The following HS6ST3 variants were observed in gnomAD, a reference collection of about 807,000 sequenced individuals.
HS6ST3 encodes the protein heparan sulfate 6-O-sulfotransferase 3.
A neutral mutation model predicts 36.7 loss-of-function variants in HS6ST3; 12 were observed. The observed-to-expected ratio is 0.33, with a 90% CI of 0.21 to 0.53. The LOEUF (loss-of-function observed/expected upper bound fraction) is 0.53. Among genes scored for constraint, HS6ST3 ranks in the 20% least tolerant of loss-of-function variants. The probability of loss-of-function intolerance (pLI) is 0.95; values close to 1 mark genes in which losing one functional copy is unlikely to be tolerated. For missense variants in HS6ST3, 584 were observed against 640.9 expected (o/e 0.91, Z 0.96); for synonymous variants, 240 against 257.5 (o/e 0.93, Z 0.65).
At chr13:96,717,031 G>T (rs1875715198) in intron 1 of HS6ST3, among the ~76,000 whole-genome samples, 1 of 152,174 alleles carries the variant, frequency 6.6e-6, no homozygotes, top group Admixed American at 6.5e-5. Context: ...GAAATGTGGA[G>T]CTCAGAGGGG....
At chr13:96,286,223 AGTT>A (rs1191742598) in intron 1 of HS6ST3, among the ~76,000 whole-genome samples, 3 of 152,074 alleles carry the variant, frequency 2.0e-5, no homozygotes, top group Non-Finnish European at 2.9e-5. Context: ...TAGCTTAGGC[AGTT>A]CGTTCTCCCC....
chr13:96,167,859 T>C (rs996142200), intron 1 of HS6ST3, among the ~76,000 whole-genome samples: 6 of 152,222 alleles, frequency 3.9e-5, no homozygotes, highest in African/African-American at 1.2e-4. Context: ...ATCTCTGATA[T>C]ATAAATAAAC....
chr13:96,255,913 GTA>G (rs2139380338), intron 1 of HS6ST3, among the ~76,000 whole-genome samples: 1 of 152,280 alleles, frequency 6.6e-6, no homozygotes, highest in African/African-American at 2.4e-5. Flanking sequence ...TGTCATTTAT[GTA>G]TGTCATTAAA....
Position 96,741,929 on chromosome 13 carries a change from C to T in HS6ST3, c.708-90561C>T, listed in dbSNP as rs1417649185. On this transcript the variant is annotated intron_variant, in intron 1 of 1. Coordinates refer to ENST00000376705, the MANE Select transcript of HS6ST3 (RefSeq NM_153456.4). ...GACCACACTGCTCCATCCCCTCTTCCCATTCATGCTACTCTGACTGCCTTC... is the reference window on the plus strand; with the variant it reads ...GACCACACTGCTCCATCCCCTCTTCTCATTCATGCTACTCTGACTGCCTTC... Among the ~76,000 whole-genome samples the T allele has an allele frequency of 2.0e-5, 3 of 152,234 alleles. No individual in the cohort carries two copies. In the East Asian group the frequency reaches 5.8e-4, roughly 29 times the overall value.
rs573079270 is a variant in HS6ST3 at position 96,438,438 on chromosome 13, G to A, written c.707+346869G>A. The stretch of plus-strand genomic sequence containing the variant: ...TGACTTATTCAAGATCACACACAAG[G>A]TTAGGGTTGGAACCAGAAGCCATAT... On this transcript the variant is annotated intron_variant, in intron 1 of 1. Transcript: ENST00000376705. Among the ~76,000 whole-genome samples the A allele has an allele frequency of 1.4e-4, 21 of 152,310 alleles. No homozygotes were observed. The South Asian group carries it at 3.1e-3, about 23-fold the overall frequency.
chr13:96,640,494 A>AT (rs575893135), intron 1 of HS6ST3, among the ~76,000 whole-genome samples: 4 of 151,764 alleles, frequency 2.6e-5, no homozygotes, highest in African/African-American at 7.2e-5. Context: ...GCTTGTGAAT[A>AT]TTTTTTTCCC....
chr13:96,261,911 A>G (rs755627011), intron 1 of HS6ST3, among the ~76,000 whole-genome samples: 2 of 152,220 alleles, frequency 1.3e-5, no homozygotes, highest in Non-Finnish European at 2.9e-5. Flanking sequence ...CTACAAGAAC[A>G]CAGGTAACCT....
intron 1 of HS6ST3, among the ~76,000 whole-genome samples, chr13:96,625,380 C>A (rs1036475760): frequency 5.3e-5 from 8 of 152,082 alleles, no homozygotes; most frequent in African/African-American, 1.9e-4. Context: ...GAGTATGTAT[C>A]GAGCAATAGA....
intron 1 of HS6ST3, among the ~76,000 whole-genome samples, chr13:96,714,663 G>T (rs1875646901): frequency 6.6e-6 from 1 of 152,114 alleles, no homozygotes; most frequent in Admixed American, 6.6e-5. Context: ...AACAATGCTT[G>T]CATATGTATA....
At chr13:96,105,411 G>A (rs532278925) in intron 1 of HS6ST3, among the ~76,000 whole-genome samples, 16 of 152,314 alleles carry the variant, frequency 1.1e-4, no homozygotes, top group African/African-American at 3.9e-4. Flanking sequence ...GGCACTTTGG[G>A]AGGCTGAGGC....
chr13:96,689,515 T>C (rs566245618), intron 1 of HS6ST3, among the ~76,000 whole-genome samples: 9 of 151,836 alleles, frequency 5.9e-5, no homozygotes, highest in Non-Finnish European at 1.0e-4. Context: ...TCATGGCTTA[T>C]GCTTAATAAG....
chr13:96,170,328 G>A (rs75374972), intron 1 of HS6ST3, among the ~76,000 whole-genome samples: 2,406 of 152,294 alleles, frequency 0.016, 63 homozygotes, highest in African/African-American at 0.056. Flanking sequence ...TTAAGGTGAC[G>A]CAGTTAATAA....
intron 1 of HS6ST3, among the ~76,000 whole-genome samples, chr13:96,777,000 A>C (rs1877402923): frequency 6.6e-6 from 1 of 152,242 alleles, no homozygotes; most frequent in African/African-American, 2.4e-5. Context: ...ACCACGATTA[A>C]GTTGGCTTCA....
intron 1 of HS6ST3, among the ~76,000 whole-genome samples, chr13:96,394,296 A>ATTT (rs147050572): frequency 6.8e-6 from 1 of 147,286 alleles, no homozygotes; most frequent in African/African-American, 2.5e-5. Flanking sequence ...AGCTTCCCCC[A>ATTT]TTTTTGTATC....
At chr13:96,140,246 C>A (rs1156591834) in intron 1 of HS6ST3, among the ~76,000 whole-genome samples, 1 of 152,146 alleles carries the variant, frequency 6.6e-6, no homozygotes, top group East Asian at 1.9e-4. Context: ...ATCATAACTG[C>A]ATGAAATTAA....
intron 1 of HS6ST3, among the ~76,000 whole-genome samples, chr13:96,624,372 A>AT (rs1014087102): frequency 5.4e-5 from 8 of 148,754 alleles, no homozygotes; most frequent in Admixed American, 4.7e-4. Context: ...TAAACCATAT[A>AT]TTTTTTTTAG....
At chr13:96,462,034 T>C (rs1030712418) in intron 1 of HS6ST3, among the ~76,000 whole-genome samples, 8 of 152,164 alleles carry the variant, frequency 5.3e-5, no homozygotes, top group Non-Finnish European at 1.0e-4. Flanking sequence ...GATTACTATG[T>C]CACACAAAAC....
At chr13:96,570,297 C>A (rs1480221263) in intron 1 of HS6ST3, among the ~76,000 whole-genome samples, 2 of 152,124 alleles carry the variant, frequency 1.3e-5, no homozygotes, top group Non-Finnish European at 2.9e-5. Flanking sequence ...TTGCTCATAC[C>A]TCTTTGCCAA....
chr13:96,282,055 A>G (rs1445929242), intron 1 of HS6ST3, among the ~76,000 whole-genome samples: 1 of 152,146 alleles, frequency 6.6e-6, no homozygotes, highest in Non-Finnish European at 1.5e-5. Context: ...TTGTATTTTA[A>G]TCTTCTGATT....
Sources: gnomAD v4.1 joint callset for allele counts (sites outside exome capture counted in the v4.1 genomes callset) on GRCh38, gnomAD v4.1.1 for gene constraint, MANE v1.5 for transcripts, NCBI Gene and HGNC (gene_info 2026-07-23, HGNC 2026-07-21) for gene names.